Variants in PIBF1 observed in about 807,000 individuals in gnomAD.
PIBF1 encodes the protein progesterone-induced-blocking factor 1.
PIBF1 carries 90 observed loss-of-function variants against 112.5 expected under a neutral mutation model. The observed-to-expected ratio is 0.80, with a 90% confidence interval of 0.67 to 0.95. PIBF1 has a LOEUF of 0.95. Among genes scored for constraint, PIBF1 ranks in the 40% least tolerant of loss-of-function variants. PIBF1 has a pLI of 0.00. For synonymous variants in PIBF1, 301 were observed against 288.6 expected, an observed-to-expected ratio of 1.04 and a Z score of -0.44; for missense variants, 915 against 852.3, an observed-to-expected ratio of 1.07 and a Z score of -0.92.
chr13:72,894,713 G>C (rs1051371401), intron 11 of PIBF1, among the ~76,000 whole-genome samples: 3 of 148,498 alleles, frequency 2.0e-5, no homozygotes, highest in Non-Finnish European at 3.0e-5. Context: ...ATTAAACTCA[G>C]ATGGATTACT....
chr13:72,834,664 TTAAAGG>T (rs563075349), intron 8 of PIBF1, among the ~76,000 whole-genome samples: 22 of 152,154 alleles, frequency 1.4e-4, no homozygotes, highest in South Asian at 6.2e-4. Flanking sequence ...AAATTTTACC[TTAAAGG>T]TAAAGGTAAA....
chr13:72,912,944 TATG>T (rs774005581), intron 12 of PIBF1, among the ~76,000 whole-genome samples: 3 of 151,798 alleles, frequency 2.0e-5, no homozygotes, highest in South Asian at 2.1e-4. Flanking sequence ...TAGTATATAG[TATG>T]ATTATACTGT....
intron 10 of PIBF1, among the ~76,000 whole-genome samples, chr13:72,879,499 A>G (rs1365157987): frequency 3.3e-5 from 5 of 152,222 alleles, no homozygotes; most frequent in Non-Finnish European, 7.3e-5. Flanking sequence ...AAGTCATCAA[A>G]TGACAATGGA....
intron 17 of PIBF1, among the ~76,000 whole-genome samples, chr13:73,007,809 CAAAAA>C (rs34084112): frequency 1.5e-5 from 2 of 135,818 alleles, no homozygotes; most frequent in East Asian, 2.2e-4. Context: ...AACTCCATCT[CAAAAA>C]AAAAAAAAAA....
chr13:72,854,789 A>C (rs2038335183), intron 10 of PIBF1, among the ~76,000 whole-genome samples: 1 of 151,902 alleles, frequency 6.6e-6, no homozygotes, highest in Non-Finnish European at 1.5e-5. Flanking sequence ...GGTAACACCA[A>C]AGTGATTCTA....
intron 9 of PIBF1, among the ~76,000 whole-genome samples, chr13:72,852,084 G>A (rs1321904371): frequency 1.3e-5 from 2 of 152,198 alleles, no homozygotes; most frequent in African/African-American, 4.8e-5. Context: ...CCTGGACACA[G>A]GATGAGAACT....
chr13:72,984,084 AT>A (rs537328940), intron 16 of PIBF1, among the ~76,000 whole-genome samples: 11 of 150,738 alleles, frequency 7.3e-5, no homozygotes, highest in Non-Finnish European at 1.0e-4. Context: ...TTTTAGAAAG[AT>A]TTTTTTTTTC....
chr13:72,839,973 C>A (rs2037533716), intron 9 of PIBF1, among the ~76,000 whole-genome samples: 1 of 152,148 alleles, frequency 6.6e-6, no homozygotes, highest in Admixed American at 6.5e-5. Flanking sequence ...GATGCCCCAG[C>A]CAGCCACAGG....
At chr13:72,957,478 A>G (rs931176386) in intron 14 of PIBF1, among the ~76,000 whole-genome samples, 5 of 152,318 alleles carry the variant, frequency 3.3e-5, no homozygotes, top group Admixed American at 1.3e-4. Context: ...ATGCAAAGGC[A>G]TAAGAATGAT....
chr13:72,924,640 C>G lies in PIBF1; in HGVS notation c.1731-6525C>G, dbSNP rs370683366. Among the ~76,000 whole-genome samples, 25 of 151,914 alleles carry G rather than the reference C, an allele frequency of 1.6e-4. No individual in the cohort carries two copies. In the East Asian group the frequency reaches 3.1e-3, roughly 19 times the overall value. ...GAGGATGAGCTGGGTCACTTGAGCGCAGGAGGTCAAGACTGCAGTAGCCAT... is the reference window on the plus strand; with the variant it reads ...GAGGATGAGCTGGGTCACTTGAGCGGAGGAGGTCAAGACTGCAGTAGCCAT... On this transcript the variant is annotated intron_variant, in intron 13 of 17. Coordinates refer to ENST00000326291, the MANE Select transcript of PIBF1 (RefSeq NM_006346.4).
intron 14 of PIBF1, among the ~76,000 whole-genome samples, chr13:72,935,145 C>A (rs2041830412): frequency 6.6e-6 from 1 of 152,094 alleles, no homozygotes; most frequent in South Asian, 2.1e-4. Flanking sequence ...GCCACCATTC[C>A]CGGATAATTT....
chr13:73,007,420 A>G (rs2044068660), intron 17 of PIBF1, among the ~76,000 whole-genome samples: 1 of 151,970 alleles, frequency 6.6e-6, no homozygotes. Context: ...AAATCAGTTA[A>G]TTATACATCT....
At chr13:73,008,130 T>C (rs911979610) in intron 17 of PIBF1, among the ~76,000 whole-genome samples, 1 of 152,208 alleles carries the variant, frequency 6.6e-6, no homozygotes, top group Non-Finnish European at 1.5e-5. Flanking sequence ...TACTCTATGC[T>C]AATGTAATTA....
chr13:72,920,057 A>G (rs1199829108), intron 13 of PIBF1, among the ~76,000 whole-genome samples: 2 of 152,220 alleles, frequency 1.3e-5, no homozygotes, highest in African/African-American at 4.8e-5. Flanking sequence ...CTTCAGAATC[A>G]CAAACAATTA....
chr13:72,922,256 G>T (rs2138719102), intron 13 of PIBF1, among the ~76,000 whole-genome samples: 1 of 152,204 alleles, frequency 6.6e-6, no homozygotes, highest in Admixed American at 6.6e-5. Flanking sequence ...GGAATTATAG[G>T]CATGAGTCAC....
chr13:72,937,033 A>T (rs987285637), intron 14 of PIBF1, among the ~76,000 whole-genome samples: 1 of 152,178 alleles, frequency 6.6e-6, no homozygotes, highest in African/African-American at 2.4e-5. Flanking sequence ...TCAAACTTTT[A>T]CAGTGAAAAC....
At chr13:72,908,716 T>C (rs1426455308) in intron 12 of PIBF1, 35 bp downstream of exon 12, 1 of 1,568,230 alleles carries the variant, frequency 6.4e-7, no homozygotes, top group African/African-American at 1.4e-5. Flanking sequence ...GCACAACTTT[T>C]TTTTTTCTGG....
intron 16 of PIBF1, among the ~76,000 whole-genome samples, chr13:72,989,251 C>G (rs1308035528): frequency 1.3e-5 from 2 of 152,234 alleles, no homozygotes; most frequent in East Asian, 1.9e-4. Flanking sequence ...AATTTACACA[C>G]AAAACTTTTC....
At chr13:72,973,499 C>G (rs1031225541) in intron 15 of PIBF1, 92 bp from the exon 16 acceptor site, 1 of 636,278 alleles carries the variant, frequency 1.6e-6, no homozygotes, top group African/African-American at 2.0e-5. Flanking sequence ...TTCAAACCAT[C>G]AGATTCATGT....
Sources: gnomAD v4.1 joint callset for allele counts (sites outside exome capture counted in the v4.1 genomes callset) on GRCh38, gnomAD v4.1.1 for gene constraint, MANE v1.5 for transcripts, NCBI Gene and HGNC (gene_info 2026-07-23, HGNC 2026-07-21) for gene names.